Variants in PSMC1 observed in about 807,000 individuals in gnomAD.
The protein encoded by PSMC1 is proteasome 26S subunit, ATPase 1.
A neutral mutation model predicts 49.8 loss-of-function variants in PSMC1; 5 were observed. The observed-to-expected ratio is 0.10, with a 90% CI of 0.05 to 0.21. PSMC1 has a LOEUF of 0.21. PSMC1 is among the 10% of genes least tolerant of loss of function. The pLI is 1.00. For synonymous variants in PSMC1, 155 were observed against 192.1 expected (o/e 0.81, Z 1.60); for missense variants, 181 against 535.7 (o/e 0.34, Z 6.54).
intron 1 of PSMC1, among the ~76,000 whole-genome samples, chr14:90,258,661 T>A (rs1221434225): frequency 6.6e-6 from 1 of 152,160 alleles, no homozygotes; most frequent in African/African-American, 2.4e-5. Context: ...TTGGATAAGG[T>A]GCTATTGGAA....
At position 90,274,536 on chromosome 14, in the gene PSMC1, G is replaced by A. The variant is rs1177096933; in HGVS notation, c.*2129G>A. Reference sequence around the variant, plus strand: ...TGAGCACCCCTAGACCCAGACCTTTGCTGCTAAAAGTATTATTCTCCACTA... The same window carrying A: ...TGAGCACCCCTAGACCCAGACCTTTACTGCTAAAAGTATTATTCTCCACTA... On this transcript the variant is annotated 3_prime_UTR_variant, in exon 11 of 11. Transcript: ENST00000261303. 1.5e-5 allele frequency: 2 copies of A among 134,068 alleles called. No homozygotes were observed. Among genetic ancestry groups the A allele is most frequent in the African/African-American group, 5.0e-5 (2 of 40,284 alleles). The allele number at this position is 134,068 out of a possible 1,614,324, so 8.3% of individuals were successfully genotyped here.
Position 90,267,215 on chromosome 14 carries a change from C to T in PSMC1, c.692-1009C>T, listed in dbSNP as rs554568447. ...CGCGATCTTGGCTCACTGCAATCTC[C>T]GCCTCCCGGGTTCAAGCGATTCTCC... On this transcript the variant is annotated intron_variant, in intron 7 of 10. Coordinates refer to ENST00000261303, the MANE Select transcript of PSMC1 (RefSeq NM_002802.3). Among the ~76,000 whole-genome samples, 43 of 151,958 alleles carry T rather than the reference C, an allele frequency of 2.8e-4. 1 individual carries two copies. In the South Asian group the frequency reaches 5.2e-3, roughly 18 times the overall value.
chr14:90,268,155 A>G (rs914332403), intron 7 of PSMC1, 69 bp from the exon 8 acceptor site: 7 of 1,307,488 alleles, frequency 5.4e-6, no homozygotes, highest in Middle Eastern at 2.7e-4. Flanking sequence ...GGTGGTAATG[A>G]TACGAGTTTT....
rs954085932 is a variant in PSMC1, at chr14:90,256,685, C to T, written c.3+85C>T. The T allele has an allele frequency of 9.1e-6, 14 of 1,542,496 alleles. No individual in the cohort carries two copies. In the East Asian group the frequency reaches 2.9e-4, roughly 32 times the overall value. The stretch of plus-strand genomic sequence containing the variant: ...TGAGGCGAGAGAAAGAGGCGGCTGC[C>T]CGAGGAACTGGGACAGCCCTCTTCT... On this transcript the variant is annotated intron_variant, in intron 1 of 10. Coordinates refer to ENST00000261303, the MANE Select transcript of PSMC1 (RefSeq NM_002802.3).
chr14:90,257,521 A>G (rs1202175171), intron 1 of PSMC1, among the ~76,000 whole-genome samples: 2 of 152,200 alleles, frequency 1.3e-5, no homozygotes, highest in African/African-American at 2.4e-5. Flanking sequence ...AAGATACAGC[A>G]AGTGCAAAGG....
intron 10 of PSMC1, 114 bp downstream of exon 10, chr14:90,270,466 AATC>A: frequency 8.4e-7 from 1 of 1,187,720 alleles, no homozygotes; most frequent in Non-Finnish European, 1.1e-6. Context: ...TCTGTATTTT[AATC>A]ATCATATTGG....
chr14:90,271,304 AAAAAG>A (rs1465843847), intron 10 of PSMC1: 2 of 152,210 alleles, frequency 1.3e-5, no homozygotes, highest in East Asian at 1.9e-4. Flanking sequence ...TGGCCAAAAG[AAAAAG>A]AAAACAATAA....
chr14:90,263,886 C>T (rs777065959), intron 5 of PSMC1, 39 bp downstream of exon 5: 2 of 1,610,452 alleles, frequency 1.2e-6, no homozygotes, highest in Non-Finnish European at 1.7e-6. Context: ...CACGGAAGTG[C>T]TTTCTCTTCT....
rs1251145674 is a variant in PSMC1 at position 90,274,718 on chromosome 14, G to C, written c.*2311G>C. ...AAGGGGCTTCCACTGGCCAAACTCG[G>C]GACAATCTGAGCATCCTAACAAACA... On this transcript the variant is annotated 3_prime_UTR_variant, in exon 11 of 11. Coordinates refer to ENST00000261303, the MANE Select transcript of PSMC1 (RefSeq NM_002802.3). 6.7e-6 allele frequency: 1 copy of C among 150,262 alleles called. No homozygotes were observed. The highest frequency in any genetic ancestry group is 1.5e-5 in the Non-Finnish European group (1 of 67,886). 9.3% of individuals were successfully genotyped at this position (150,262 alleles called of 1,614,324 possible). A position where few individuals can be genotyped will look rare whatever the true frequency, so the allele number is the denominator to read the frequency against.
Position 90,260,083 on chromosome 14 carries a change from A to G in PSMC1, c.58-32A>G, listed in dbSNP as rs371540243. 1.0e-4 allele frequency: 126 copies of G among 1,246,734 alleles called. No homozygotes were observed. In the African/African-American group the frequency reaches 1.6e-3, roughly 16 times the overall value. The allele number at this position is 1,246,734 out of a possible 1,614,324, so 77.2% of individuals were successfully genotyped here. A position where few individuals can be genotyped will look rare whatever the true frequency, so the allele number is the denominator to read the frequency against. ...TGTGTTTTAATATGATTTTCATGTG[A>G]TTTTTTTTTCCTGCTATTCTAACAA... On this transcript the variant is annotated intron_variant, in intron 2 of 10. Transcript: ENST00000261303.
rs1891733964 is a variant in PSMC1 at position 90,273,985 on chromosome 14, C to CTTAA, written c.*1581_*1584dup. ...TCCCTGTTTTAAAGTTTACAATCTTCTTAATTTTTATCTGCAAAGTTCCTT... is the reference window on the plus strand; with the variant it reads ...TCCCTGTTTTAAAGTTTACAATCTTCTTAATTAATTTTTATCTGCAAAGTTCCTT... On this transcript the variant is annotated 3_prime_UTR_variant, in exon 11 of 11. Transcript: ENST00000261303. The CTTAA allele has an allele frequency of 6.8e-6, 1 of 146,840 alleles. No individual in the cohort carries two copies. Among genetic ancestry groups the CTTAA allele is most frequent in the Admixed American group, 6.9e-5 (1 of 14,424 alleles). 9.1% of individuals were successfully genotyped at this position (146,840 alleles called of 1,614,324 possible).
intron 6 of PSMC1, among the ~76,000 whole-genome samples, chr14:90,264,581 A>G (rs2139646357): frequency 6.6e-6 from 1 of 152,282 alleles, no homozygotes; most frequent in East Asian, 1.9e-4. Context: ...GCTGGACCAT[A>G]TGCAGGGCAT....
At chr14:90,265,688 C>CAAAAAAAAAAAAAAAA in intron 7 of PSMC1, among the ~76,000 whole-genome samples, 1 of 94,112 alleles carries the variant, frequency 1.1e-5, no homozygotes, top group African/African-American at 4.7e-5. Flanking sequence ...GACTACATCT[C>CAAAAAAAAAAAAAAAA]AAAAAAAAAA....
intron 10 of PSMC1, chr14:90,270,591 G>A: frequency 2.4e-6 from 1 of 420,606 alleles, no homozygotes; most frequent in Non-Finnish European, 4.2e-6. Flanking sequence ...CTGAGTCGCT[G>A]GTACTAAGCC....
At chr14:90,264,822 A>T (rs1176769733) in intron 6 of PSMC1, among the ~76,000 whole-genome samples, 2 of 152,174 alleles carry the variant, frequency 1.3e-5, no homozygotes, top group African/African-American at 4.8e-5. Context: ...CTCCAGGCTG[A>T]CTTCTACTAG....
intron 8 of PSMC1, 161 bp from the exon 9 acceptor site, chr14:90,269,236 G>T (rs1282635548): frequency 1.6e-6 from 1 of 627,786 alleles, no homozygotes; most frequent in Non-Finnish European, 2.7e-6. Context: ...ATGGCAAGGG[G>T]TGCTGAATTT....
Position 90,265,183 on chromosome 14 carries a change from A to G in PSMC1, c.691+17A>G. On this transcript the variant is annotated intron_variant, in intron 7 of 10. Transcript: ENST00000261303. ...CTGGCACAGGTATGCTCTGTTTTTG[A>G]CACTTTCCAGGCACCCAGCTGGTCT... is the stretch of plus-strand genomic sequence containing the variant. 1 of 1,577,420 alleles carries G rather than the reference A, an allele frequency of 6.3e-7. No individual in the cohort carries two copies. The highest frequency in any genetic ancestry group is 8.7e-7 in the Non-Finnish European group (1 of 1,150,860).
intron 10 of PSMC1, chr14:90,271,528 A>G (rs2139653174): frequency 6.6e-6 from 1 of 152,374 alleles, no homozygotes; most frequent in Middle Eastern, 3.4e-3. Context: ...CATAGTATAG[A>G]TACTGCCACT....
chr14:90,263,859 G>A lies in PSMC1; in HGVS notation c.465+12G>A, dbSNP rs1366850795. 12 of 1,613,750 alleles carry A rather than the reference G, an allele frequency of 7.4e-6. No individual in the cohort carries two copies. In the South Asian group the frequency reaches 1.1e-4, roughly 15 times the overall value. ...TGCTCAACCACAAGGTGAGGTGATA[G>A]TCTTTTTCAGAAAGCCCACGGAAGT... On this transcript the variant is annotated intron_variant, in intron 5 of 10. Coordinates refer to ENST00000261303, the MANE Select transcript of PSMC1 (RefSeq NM_002802.3).
Sources: allele counts gnomAD v4.1 joint callset (sites outside exome capture counted in the v4.1 genomes callset), GRCh38; gene constraint gnomAD v4.1.1; transcripts MANE v1.5; gene names NCBI Gene and HGNC (gene_info 2026-07-23, HGNC 2026-07-21).